POU6F2: variants seen among roughly 807,000 people sequenced by gnomAD.
POU6F2 encodes the protein POU class 6 homeobox 2, also known as POU domain, class 6, transcription factor 2.
Under a neutral mutation model 71.3 loss-of-function variants are expected in POU6F2, and 31 were observed. The observed-to-expected ratio is 0.43, with a 90% confidence interval of 0.33 to 0.59. The LOEUF (loss-of-function observed/expected upper bound fraction) is 0.59. Ranked by LOEUF, POU6F2 falls within the 20% of genes least tolerant of loss-of-function variation. POU6F2 has a pLI of 0.04. For missense variants in POU6F2, 783 were observed against 856.8 expected (o/e 0.91, Z 1.07); for synonymous variants, 347 against 355.7 (o/e 0.98, Z 0.27).
At chr7:39,247,746 C>A (rs73695222) in intron 4 of POU6F2, among the ~76,000 whole-genome samples, 4,237 of 152,216 alleles carry the variant, frequency 0.028, 192 homozygotes, top group African/African-American at 0.096. Context: ...AGAAGTCACC[C>A]TATCCCCCAG....
chr7:39,387,205 T>A (rs1463114395), intron 5 of POU6F2, among the ~76,000 whole-genome samples: 1 of 152,162 alleles, frequency 6.6e-6, no homozygotes, highest in Non-Finnish European at 1.5e-5. Context: ...ACACACACAA[T>A]CCTTATTTTA....
intron 2 of POU6F2, among the ~76,000 whole-genome samples, chr7:39,158,708 C>A (rs1425834813): frequency 6.6e-6 from 1 of 152,094 alleles, no homozygotes; most frequent in Non-Finnish European, 1.5e-5. Context: ...TATTCAGGCC[C>A]CCACCAATTG....
At chr7:39,008,283 A>G (rs1437435164) in intron 1 of POU6F2, among the ~76,000 whole-genome samples, 1 of 151,256 alleles carries the variant, frequency 6.6e-6, no homozygotes, top group Non-Finnish European at 1.5e-5. Context: ...GCCAGTGATG[A>G]TGAGCATTTT....
At chr7:39,377,639 C>A (rs3800852) in intron 5 of POU6F2, among the ~76,000 whole-genome samples, 8 of 152,232 alleles carry the variant, frequency 5.3e-5, no homozygotes, top group East Asian at 1.9e-4. Context: ...CCTGCTCCCC[C>A]CTCGCTGTGT....
At chr7:39,306,209 A>C (rs967861802) in intron 4 of POU6F2, among the ~76,000 whole-genome samples, 2 of 152,256 alleles carry the variant, frequency 1.3e-5, no homozygotes, top group Admixed American at 1.3e-4. Flanking sequence ...CATTGTTGAA[A>C]ATAAAGTCAC....
At chr7:39,419,175 AC>A (rs1485189397) in intron 6 of POU6F2, among the ~76,000 whole-genome samples, 1 of 145,604 alleles carries the variant, frequency 6.9e-6, no homozygotes, top group Non-Finnish European at 1.5e-5. Context: ...ACATATATAT[AC>A]GTATATATGT....
chr7:39,238,925 T>C (rs894641953), intron 4 of POU6F2, among the ~76,000 whole-genome samples: 6 of 151,994 alleles, frequency 3.9e-5, no homozygotes, highest in Non-Finnish European at 8.8e-5. Flanking sequence ...CATAGAAGGG[T>C]ACATAATGTA....
intron 4 of POU6F2, among the ~76,000 whole-genome samples, chr7:39,277,723 A>T (rs1784475589): frequency 6.6e-6 from 1 of 152,020 alleles, no homozygotes; most frequent in Non-Finnish European, 1.5e-5. Context: ...GGTTAGGGGG[A>T]AATTTTCCTA....
At chr7:39,397,927 T>A (rs1044721777) in intron 5 of POU6F2, among the ~76,000 whole-genome samples, 1 of 151,416 alleles carries the variant, frequency 6.6e-6, no homozygotes, top group Non-Finnish European at 1.5e-5. Context: ...CAAGCAATTC[T>A]CCTGCCTCAG....
At chr7:39,017,104 T>C (rs1292691822) in intron 1 of POU6F2, among the ~76,000 whole-genome samples, 2 of 152,164 alleles carry the variant, frequency 1.3e-5, no homozygotes, top group African/African-American at 2.4e-5. Context: ...TAACTATGAG[T>C]TCCTTGGGGC....
At chr7:39,003,032 G>A (rs1186886037) in intron 1 of POU6F2, among the ~76,000 whole-genome samples, 2 of 152,168 alleles carry the variant, frequency 1.3e-5, no homozygotes, top group African/African-American at 2.4e-5. Context: ...CTTCGTTTCC[G>A]AATCTGGAAG....
chr7:39,320,998 G>C (rs1370809756), intron 4 of POU6F2, among the ~76,000 whole-genome samples: 2 of 152,208 alleles, frequency 1.3e-5, no homozygotes, highest in Non-Finnish European at 2.9e-5. Flanking sequence ...CGAGGCTGCA[G>C]TGAGCCATGA....
intron 2 of POU6F2, among the ~76,000 whole-genome samples, chr7:39,136,265 T>TA (rs932621151): frequency 6.6e-5 from 10 of 152,132 alleles, no homozygotes; most frequent in Non-Finnish European, 1.5e-5. Flanking sequence ...TTAAATACTG[T>TA]AAAAAATTTG....
chr7:39,266,695 C>CTTTTTT (rs35508359), intron 4 of POU6F2, among the ~76,000 whole-genome samples: 5 of 105,112 alleles, frequency 4.8e-5, no homozygotes, highest in Non-Finnish European at 7.1e-5. Flanking sequence ...CGCACCTGGC[C>CTTTTTT]TTTTTTTTTT....
At chr7:39,138,771 C>T (rs1792436790) in intron 2 of POU6F2, among the ~76,000 whole-genome samples, 1 of 152,280 alleles carries the variant, frequency 6.6e-6, no homozygotes, top group South Asian at 2.1e-4. Context: ...CCACCCCTGC[C>T]CCCCAGGTCC....
intron 2 of POU6F2, among the ~76,000 whole-genome samples, chr7:39,164,204 T>C (rs76110162): frequency 2.6e-5 from 4 of 152,000 alleles, no homozygotes; most frequent in Non-Finnish European, 5.9e-5. Flanking sequence ...TATGATATCA[T>C]AAATTTTATT....
intron 4 of POU6F2, among the ~76,000 whole-genome samples, chr7:39,259,605 G>A (rs1434107702): frequency 4.6e-5 from 7 of 152,224 alleles, no homozygotes; most frequent in Middle Eastern, 3.4e-3. Context: ...ATGATCAGGC[G>A]GCACAGGGAC....
At chr7:38,981,124 C>T (rs1365353006) in intron 1 of POU6F2, among the ~76,000 whole-genome samples, 1 of 152,150 alleles carries the variant, frequency 6.6e-6, no homozygotes, top group East Asian at 1.9e-4. Context: ...TTCCTAACCC[C>T]TTGAAGGTAG....
At position 39,091,957 on chromosome 7, in the gene POU6F2, C is replaced by T. The variant is rs542016130; in HGVS notation, c.277+5926C>T. Among the ~76,000 whole-genome samples, 3 of 152,286 alleles carry T rather than the reference C, an allele frequency of 2.0e-5. No homozygotes were observed. The East Asian group carries it at 5.8e-4, about 29-fold the overall frequency. On this transcript the variant is annotated intron_variant, in intron 2 of 9. Coordinates refer to ENST00000518318, the MANE Select transcript of POU6F2 (RefSeq NM_001370959.1). ...ATTAATAATACATCAGACATTCACA[C>T]ATTAAAGAGAAAGTAAATGTGAAGA...
Sources: gnomAD v4.1 joint callset for allele counts (sites outside exome capture counted in the v4.1 genomes callset) on GRCh38, gnomAD v4.1.1 for gene constraint, MANE v1.5 for transcripts, NCBI Gene and HGNC (gene_info 2026-07-23, HGNC 2026-07-21) for gene names.